The following TENM3 variants were observed in gnomAD, a reference collection of about 807,000 sequenced individuals.
TENM3 encodes teneurin-3.
In TENM3, 63 loss-of-function variants were observed where a neutral mutation model predicts 255.1. That is an observed-to-expected ratio of 0.25 (90% CI 0.20 to 0.30). TENM3 has a LOEUF of 0.30. Ranked by LOEUF, TENM3 falls within the 10% of genes least tolerant of loss-of-function variation. The pLI, the probability that TENM3 is intolerant of heterozygous loss-of-function variation, is 1.00. For missense variants in TENM3, 2,929 were observed against 3,461.1 expected, an observed-to-expected ratio of 0.85 and a Z score of 3.86; for synonymous variants, 1,306 against 1,322.3, an observed-to-expected ratio of 0.99 and a Z score of 0.27.
At chr4:181,575,464 T>C in the TENM3 span, among the ~76,000 whole-genome samples, 1 of 152,194 alleles carries the variant, frequency 6.6e-6, no homozygotes, top group Non-Finnish European at 1.5e-5. Context: ...CCCAAGTCTT[T>C]CAAATGGTAC....
chr4:182,273,191 A>G (rs752153657), intron 1 of TENM3, among the ~76,000 whole-genome samples: 42 of 152,226 alleles, frequency 2.8e-4, no homozygotes, highest in Admixed American at 1.8e-3. Context: ...GCTGGGCACT[A>G]TGCCCTCTCA....
At chr4:181,463,025 G>A in the TENM3 span, among the ~76,000 whole-genome samples, 1 of 152,138 alleles carries the variant, frequency 6.6e-6, no homozygotes, top group Admixed American at 6.5e-5. Context: ...AGCACACATA[G>A]CTCATCTTGG....
chr4:182,281,955 C>T (rs1045219347), intron 1 of TENM3, among the ~76,000 whole-genome samples: 3 of 152,074 alleles, frequency 2.0e-5, no homozygotes, highest in Non-Finnish European at 4.4e-5. Context: ...AGGCTGGTCT[C>T]GAACTCCTGA....
chr4:182,047,438 T>C, the TENM3 span, among the ~76,000 whole-genome samples: 38 of 151,706 alleles, frequency 2.5e-4, no homozygotes, highest in South Asian at 7.1e-3. Flanking sequence ...GGTGCACACC[T>C]GTAGTCTCAG....
chr4:181,585,199 TA>T, the TENM3 span, among the ~76,000 whole-genome samples: 1 of 152,188 alleles, frequency 6.6e-6, no homozygotes, highest in Non-Finnish European at 1.5e-5. Flanking sequence ...GAGCACCTTG[TA>T]CTTGATTCAC....
chr4:182,145,655 T>TC (rs374899735), intron 1 of TENM3, among the ~76,000 whole-genome samples: 1 of 152,314 alleles, frequency 6.6e-6, no homozygotes, highest in Middle Eastern at 3.4e-3. Flanking sequence ...CACGTGTGTT[T>TC]CCCCAAGTCA....
the TENM3 span, among the ~76,000 whole-genome samples, chr4:181,848,626 C>T: frequency 6.6e-6 from 1 of 151,916 alleles, no homozygotes; most frequent in Non-Finnish European, 1.5e-5. Context: ...AAAACGAATA[C>T]TAAAGGTTTT....
chr4:182,445,558 T>C (rs960969410), intron 3 of TENM3, among the ~76,000 whole-genome samples: 9 of 152,200 alleles, frequency 5.9e-5, no homozygotes, highest in Non-Finnish European at 1.3e-4. Flanking sequence ...GCATTCTTAA[T>C]ATGAAGCTAA....
At chr4:182,572,323 T>A (rs1214599263) in intron 3 of TENM3, among the ~76,000 whole-genome samples, 1 of 152,222 alleles carries the variant, frequency 6.6e-6, no homozygotes, top group African/African-American at 2.4e-5. Flanking sequence ...AGAACATTTT[T>A]GTAAAGACAG....
chr4:181,569,671 G>A, the TENM3 span, among the ~76,000 whole-genome samples: 161 of 152,218 alleles, frequency 1.1e-3, no homozygotes, highest in African/African-American at 3.8e-3. Flanking sequence ...GACATTTTCT[G>A]TGGTGTGTGA....
the TENM3 span, among the ~76,000 whole-genome samples, chr4:182,124,629 AG>A: frequency 8.5e-5 from 13 of 152,208 alleles, no homozygotes; most frequent in African/African-American, 3.1e-4. Context: ...CCAGTATAGT[AG>A]AACAATCAGG....
At chr4:182,406,328 A>T (rs1235620520) in intron 3 of TENM3, among the ~76,000 whole-genome samples, 7 of 152,104 alleles carry the variant, frequency 4.6e-5, no homozygotes, top group Non-Finnish European at 7.4e-5. Context: ...AAAAATAAAT[A>T]AAAAATAAGG....
At chr4:182,384,802 C>T (rs566958107) in intron 3 of TENM3, among the ~76,000 whole-genome samples, 1 of 151,940 alleles carries the variant, frequency 6.6e-6, no homozygotes, top group East Asian at 1.9e-4. Context: ...TTTTGTCCCC[C>T]TTTATTCCCT....
chr4:182,655,965 T>C (rs909518537), intron 6 of TENM3, among the ~76,000 whole-genome samples: 13 of 152,162 alleles, frequency 8.5e-5, no homozygotes, highest in Non-Finnish European at 1.2e-4. Flanking sequence ...TGCAACCCAC[T>C]AAAATAATTT....
chr4:182,028,209 T>C, the TENM3 span, among the ~76,000 whole-genome samples: 2 of 152,214 alleles, frequency 1.3e-5, no homozygotes, highest in African/African-American at 2.4e-5. Flanking sequence ...AGGTTGTATG[T>C]GTCTAAGAAT....
chr4:182,180,413 A>T lies in TENM3; in HGVS notation c.-76+35659A>T, dbSNP rs117361281. Among the ~76,000 whole-genome samples the T allele has an allele frequency of 7.2e-4, 109 of 152,212 alleles. No homozygotes were observed. In the East Asian group the frequency reaches 0.019, roughly 27 times the overall value. On this transcript the variant is annotated intron_variant, in intron 1 of 2. Transcript: ENST00000512480. Reference sequence around the variant, plus strand: ...GTTATCTTTTTGAAATCCTGCTTTGACATCTTTCTTTAGCATAAATTTATG... The same window carrying T: ...GTTATCTTTTTGAAATCCTGCTTTGTCATCTTTCTTTAGCATAAATTTATG...
intron 2 of TENM3, among the ~76,000 whole-genome samples, chr4:182,340,762 G>A (rs1218440093): frequency 6.6e-6 from 1 of 152,186 alleles, no homozygotes; most frequent in East Asian, 1.9e-4. Context: ...GATTCAACAA[G>A]CACCTAATAA....
chr4:182,633,260 C>T (rs116250451), intron 5 of TENM3, among the ~76,000 whole-genome samples: 220 of 152,274 alleles, frequency 1.4e-3, no homozygotes, highest in African/African-American at 5.2e-3. Flanking sequence ...TGTTCTTCAA[C>T]TTACTCTGGT....
At chr4:181,583,483 C>T in the TENM3 span, among the ~76,000 whole-genome samples, 2 of 152,078 alleles carry the variant, frequency 1.3e-5, no homozygotes, top group Non-Finnish European at 2.9e-5. Context: ...AATTGTATAT[C>T]CACCCTAATT....
Sources: gnomAD v4.1 joint callset for allele counts (sites outside exome capture counted in the v4.1 genomes callset) on GRCh38, gnomAD v4.1.1 for gene constraint, MANE v1.5 for transcripts, NCBI Gene and HGNC (gene_info 2026-07-23, HGNC 2026-07-21) for gene names.